Variants in DTD1 observed in about 807,000 individuals in gnomAD.
DTD1 encodes D-aminoacyl-tRNA deacylase 1.
Under a neutral mutation model 25.6 loss-of-function variants are expected in DTD1, and 13 were observed. The ratio of observed to expected loss-of-function variants is 0.51; its 90% CI spans 0.33 to 0.81. The LOEUF (loss-of-function observed/expected upper bound fraction) is 0.81. DTD1 is among the 30% of genes least tolerant of loss of function. The probability of loss-of-function intolerance (pLI) is 0.02; values close to 1 mark genes in which losing one functional copy is unlikely to be tolerated. For missense variants in DTD1, 193 were observed against 266.4 expected (o/e 0.72, Z 1.92); for synonymous variants, 110 against 103.6 (o/e 1.06, Z -0.37).
intron 3 of DTD1, among the ~76,000 whole-genome samples, chr20:18,596,651 A>G (rs960863615): frequency 5.9e-5 from 9 of 152,134 alleles, no homozygotes; most frequent in Non-Finnish European, 1.5e-5. Flanking sequence ...TAAAAAATAT[A>G]TTTTATTTAA....
intron 5 of DTD1, among the ~76,000 whole-genome samples, chr20:18,745,775 T>C (rs578169750): frequency 3.3e-5 from 5 of 152,260 alleles, no homozygotes; most frequent in Non-Finnish European, 7.4e-5. Context: ...CTGGATTGTA[T>C]AGGGTCTGGT....
At chr20:18,718,879 T>A (rs1443954987) in intron 4 of DTD1, among the ~76,000 whole-genome samples, 2 of 152,344 alleles carry the variant, frequency 1.3e-5, no homozygotes, top group East Asian at 1.9e-4. Context: ...AGCTCTGTCC[T>A]CTGCCTTGGC....
At chr20:18,700,533 G>T (rs1296440462) in intron 4 of DTD1, among the ~76,000 whole-genome samples, 4 of 149,868 alleles carry the variant, frequency 2.7e-5, no homozygotes, top group African/African-American at 9.8e-5. Context: ...AATTTCAATA[G>T]CTTTTGGGAT....
intron 4 of DTD1, among the ~76,000 whole-genome samples, chr20:18,685,054 A>G (rs117005895): frequency 0.012 from 1,755 of 152,266 alleles, 13 homozygotes; most frequent in African/African-American, 0.016. Context: ...GCATACCACC[A>G]TGCCCTGGCA....
At chr20:18,725,369 T>G (rs982826359) in intron 4 of DTD1, among the ~76,000 whole-genome samples, 25 of 152,190 alleles carry the variant, frequency 1.6e-4, no homozygotes. Context: ...TTTGGTCCAG[T>G]GTCTGAGCCC....
At chr20:18,669,246 C>T (rs1015258168) in intron 4 of DTD1, among the ~76,000 whole-genome samples, 2 of 152,148 alleles carry the variant, frequency 1.3e-5, no homozygotes, top group African/African-American at 2.4e-5. Flanking sequence ...GTGTGGAAGC[C>T]GTAGCTCTGG....
chr20:18,689,015 C>CATTGTGTGCATTTCTAATACTCGTGCT (rs2061030301), intron 4 of DTD1, among the ~76,000 whole-genome samples: 1 of 152,108 alleles, frequency 6.6e-6, no homozygotes, highest in African/African-American at 2.4e-5. Flanking sequence ...AAATTAGAAA[C>CATTGTGTGCATTTCTAATACTCGTGCT]ATTGTGTGCA....
At chr20:18,722,034 G>A (rs960110973) in intron 4 of DTD1, among the ~76,000 whole-genome samples, 1 of 152,222 alleles carries the variant, frequency 6.6e-6, no homozygotes, top group Non-Finnish European at 1.5e-5. Context: ...ACATAGGTTA[G>A]CCAGGCTCTG....
At position 18,704,599 on chromosome 20, in the gene DTD1, C is replaced by T. The variant is rs559193841; in HGVS notation, c.478-39501C>T. ...AAAAGTTATCTCTAGAGCCATGGTT[C>T]GCACCCATTTTGCACCTTTGGGGGC... is the stretch of plus-strand genomic sequence containing the variant. On this transcript the variant is annotated intron_variant, in intron 4 of 5. Coordinates refer to ENST00000377452, the MANE Select transcript of DTD1 (RefSeq NM_080820.6). Among the ~76,000 whole-genome samples, 8 of 152,232 alleles carry T rather than the reference C, an allele frequency of 5.3e-5. 1 individual carries two copies. The highest frequency in any genetic ancestry group is 3.9e-4 in the Admixed American group (6 of 15,294).
At chr20:18,757,476 C>G (rs1285362186) in intron 5 of DTD1, among the ~76,000 whole-genome samples, 1 of 152,164 alleles carries the variant, frequency 6.6e-6, no homozygotes, top group East Asian at 1.9e-4. Flanking sequence ...GCGTTTTTAG[C>G]ATGAAGTGCT....
chr20:18,657,255 A>G (rs541352945), intron 4 of DTD1, among the ~76,000 whole-genome samples: 17 of 152,334 alleles, frequency 1.1e-4, no homozygotes, highest in African/African-American at 3.6e-4. Context: ...GCCGATTAAC[A>G]GGTAACCTAG....
chr20:18,637,472 G>A (rs1384430747), intron 4 of DTD1, among the ~76,000 whole-genome samples: 2 of 152,192 alleles, frequency 1.3e-5, no homozygotes, highest in Non-Finnish European at 2.9e-5. Flanking sequence ...GGAGAGATGA[G>A]CCCAACATGT....
chr20:18,653,589 A>T (rs2060881921), intron 4 of DTD1, among the ~76,000 whole-genome samples: 1 of 152,260 alleles, frequency 6.6e-6, no homozygotes. Context: ...GTATGATCTA[A>T]ACAGACAAAT....
intron 4 of DTD1, among the ~76,000 whole-genome samples, chr20:18,708,259 TA>T (rs1454565387): frequency 6.4e-5 from 2 of 31,392 alleles, no homozygotes; most frequent in Non-Finnish European, 1.3e-4. Flanking sequence ...ATATTATATA[TA>T]TATTTTATAT....
intron 4 of DTD1, among the ~76,000 whole-genome samples, chr20:18,742,158 TG>T (rs1167064367): frequency 6.6e-6 from 1 of 152,168 alleles, no homozygotes; most frequent in Non-Finnish European, 1.5e-5. Context: ...TCTAGGTTTT[TG>T]CAAATACAAA....
At chr20:18,720,155 A>G (rs1194040460) in intron 4 of DTD1, among the ~76,000 whole-genome samples, 2 of 152,194 alleles carry the variant, frequency 1.3e-5, no homozygotes, top group African/African-American at 2.4e-5. Context: ...CTAGTGGAGT[A>G]TATGCCACAC....
intron 4 of DTD1, among the ~76,000 whole-genome samples, chr20:18,655,123 A>G (rs1437395395): frequency 6.6e-6 from 1 of 152,258 alleles, no homozygotes; most frequent in African/African-American, 2.4e-5. Flanking sequence ...CAGTAACAAC[A>G]AAACAAGAAC....
intron 4 of DTD1, among the ~76,000 whole-genome samples, chr20:18,708,171 GTATATATATATTTTATATATATAT>G (rs2061134425): frequency 7.0e-5 from 6 of 85,840 alleles, no homozygotes; most frequent in Non-Finnish European, 1.3e-4. Flanking sequence ...GTGTGTGTGT[GTATATATATATTTTATATATATAT>G]TATATATATA....
intron 4 of DTD1, among the ~76,000 whole-genome samples, chr20:18,654,799 A>T (rs2060885986): frequency 2.9e-5 from 1 of 35,018 alleles, no homozygotes; most frequent in African/African-American, 9.1e-5. Flanking sequence ...AAAGCTCATT[A>T]AAAAAAAAAA....
Sources: gnomAD v4.1 joint callset for allele counts (sites outside exome capture counted in the v4.1 genomes callset) on GRCh38, gnomAD v4.1.1 for gene constraint, MANE v1.5 for transcripts, NCBI Gene and HGNC (gene_info 2026-07-23, HGNC 2026-07-21) for gene names.